The following CDC42EP2 variants were observed in gnomAD, a reference collection of about 807,000 sequenced individuals.
CDC42EP2 encodes the protein CDC42 effector protein 2, also known as CDC42 effector protein (Rho GTPase binding) 2.
CDC42EP2 carries 5 observed loss-of-function variants against 7.3 expected under a neutral mutation model. The ratio of observed to expected loss-of-function variants is 0.68; its 90% CI spans 0.36 to 1.44. The LOEUF is 1.44. Ranked by LOEUF, CDC42EP2 falls within the 40% of genes most tolerant of loss-of-function variation. The pLI, the probability that CDC42EP2 is intolerant of heterozygous loss-of-function variation, is 0.04. For synonymous variants in CDC42EP2, 113 were observed against 123.6 expected (o/e 0.91, Z 0.57); for missense variants, 251 against 282.6 (o/e 0.89, Z 0.80).
rs888337019 is a variant in CDC42EP2, at chr11:65,321,049, A to G, written c.151A>G (p.Met51Val). The G allele has an allele frequency of 3.7e-6, 6 of 1,614,026 alleles. No individual in the cohort carries two copies. The highest frequency in any genetic ancestry group is 5.1e-6 in the Non-Finnish European group (6 of 1,180,004). The change falls in exon 2 of 2, where the codon ATG becomes GTG. Residue 51 changes from methionine to valine, a missense_variant. Met to Val is a conservative substitution (Grantham distance 21, BLOSUM62 1). Coordinates refer to ENST00000279249, the MANE Select transcript of CDC42EP2 (RefSeq NM_006779.4). The surrounding 1 kb of genome is among the most constrained non-coding windows in gnomAD (Gnocchi z 4.4). ...IHIGSGGGSD[M>V]FGDISFLQGK... ...TATTGGCAGTGGCGGCGGCAGTGACATGTTTGGCGACATCTCCTTCCTGCA... is the reference window on the plus strand; with the variant it reads ...TATTGGCAGTGGCGGCGGCAGTGACGTGTTTGGCGACATCTCCTTCCTGCA...
chr11:65,318,112 T>C (rs1233842262), intron 1 of CDC42EP2, among the ~76,000 whole-genome samples: 1 of 152,060 alleles, frequency 6.6e-6, no homozygotes, highest in African/African-American at 2.4e-5. Context: ...TTTATTTTTT[T>C]TGAGGCGGAG....
rs1215511163 is a variant in CDC42EP2 at position 65,322,178 on chromosome 11, G to A, written c.*647G>A. The A allele has an allele frequency of 6.0e-6, 1 of 167,108 alleles. No homozygotes were observed. Among genetic ancestry groups the A allele is most frequent in the African/African-American group, 2.4e-5 (1 of 41,466 alleles). The allele number at this position is 167,108 out of a possible 1,614,324, so 10.4% of individuals were successfully genotyped here. A position where few individuals can be genotyped will look rare whatever the true frequency, so the allele number is the denominator to read the frequency against. On this transcript the variant is annotated 3_prime_UTR_variant, in exon 2 of 2. Coordinates refer to ENST00000279249, the MANE Select transcript of CDC42EP2 (RefSeq NM_006779.4). Reference sequence around the variant, plus strand: ...TGAGGGCTTGCCTCTGGAGACCCCAGCCCCAGAGGGCTTTGTGGAGGACAG... The same window carrying A: ...TGAGGGCTTGCCTCTGGAGACCCCAACCCCAGAGGGCTTTGTGGAGGACAG...
At position 65,321,676 on chromosome 11, in the gene CDC42EP2, C is replaced by A; in HGVS notation, c.*145C>A. On this transcript the variant is annotated 3_prime_UTR_variant, in exon 2 of 2. Coordinates refer to ENST00000279249, the MANE Select transcript of CDC42EP2 (RefSeq NM_006779.4). The surrounding 1 kb of genome is among the most constrained non-coding windows in gnomAD (Gnocchi z 4.4). The stretch of plus-strand genomic sequence containing the variant: ...GATTCTCCTTCTGAGCCGTGTTTCC[C>A]CTCTCCCTCCCTCTCCACGTGGGCA... 1.4e-6 allele frequency: 1 copy of A among 714,864 alleles called. No homozygotes were observed. Among genetic ancestry groups the A allele is most frequent in the East Asian group, 2.7e-5 (1 of 36,936 alleles). The allele number at this position is 714,864 out of a possible 1,614,324, so 44.3% of individuals were successfully genotyped here.
At chr11:65,319,355 C>T (rs1949963174) in intron 1 of CDC42EP2, among the ~76,000 whole-genome samples, 2 of 151,892 alleles carry the variant, frequency 1.3e-5, no homozygotes, top group Admixed American at 6.6e-5. Flanking sequence ...GTCTTGATCT[C>T]CTGACCTCGT....
rs985224236 is a variant in CDC42EP2, at chr11:65,315,182, C to T, written c.-356+228C>T. On this transcript the variant is annotated intron_variant, in intron 1 of 1. Transcript: ENST00000279249. This position sits in a 1 kb window ranked among gnomAD's most constrained non-coding sequence, Gnocchi z 4.1. Reference sequence around the variant, plus strand: ...CAACGCATCCCGACCCCGAATTCCCCGTTCTGCCCTCCATTTTGTGTCCGG... The same window carrying T: ...CAACGCATCCCGACCCCGAATTCCCTGTTCTGCCCTCCATTTTGTGTCCGG... Among the ~76,000 whole-genome samples the T allele has an allele frequency of 6.6e-6, 1 of 152,216 alleles. No individual in the cohort carries two copies. The highest frequency in any genetic ancestry group is 1.9e-4 in the East Asian group (1 of 5,184).
Position 65,321,199 on chromosome 11 carries a change from TCCCCTCTGCTCAAGAACG to T in CDC42EP2, c.304_321del (p.Pro102_Ala107del). ...TGGGCGGGAGCTCCCGGACGGCCCA[TCCCCTCTGCTCAAGAACG>T]CCATCTCCCTCCCGGTTATCGGTGG... On this transcript the variant is annotated inframe_deletion, in exon 2 of 2. Transcript: ENST00000279249. This position sits in a 1 kb window ranked among gnomAD's most constrained non-coding sequence, Gnocchi z 4.4. 1 of 1,613,770 alleles carries T rather than the reference TCCCCTCTGCTCAAGAACG, an allele frequency of 6.2e-7. No homozygotes were observed. The highest frequency in any genetic ancestry group is 8.5e-7 in the Non-Finnish European group (1 of 1,179,932).
At position 65,315,892 on chromosome 11, in the gene CDC42EP2, A is replaced by T. The variant is rs1030324375; in HGVS notation, c.-356+938A>T. ...GGGTCAGGAGCCCTTCGTTTTTGCT[A>T]TTGTTCAAAGCACTGGCCCCGGAGA... On this transcript the variant is annotated intron_variant, in intron 1 of 1. Transcript: ENST00000279249. The surrounding 1 kb of genome is among the most constrained non-coding windows in gnomAD (Gnocchi z 4.1). Among the ~76,000 whole-genome samples, 2 of 152,148 alleles carry T rather than the reference A, an allele frequency of 1.3e-5. No individual in the cohort carries two copies. Among genetic ancestry groups the T allele is most frequent in the African/African-American group, 4.8e-5 (2 of 41,446 alleles).
Position 65,321,790 on chromosome 11 carries a change from C to G in CDC42EP2, c.*259C>G. 1 of 455,892 alleles carries G rather than the reference C, an allele frequency of 2.2e-6. No homozygotes were observed. Among genetic ancestry groups the G allele is most frequent in the Non-Finnish European group, 4.1e-6 (1 of 244,300 alleles). 28.2% of individuals were successfully genotyped at this position (455,892 alleles called of 1,614,324 possible). The stretch of plus-strand genomic sequence containing the variant: ...CCTGAGCATCTTGGGGCACCTGGAC[C>G]CCATCACAATACTCCTTCTTCCTTC... On this transcript the variant is annotated 3_prime_UTR_variant, in exon 2 of 2. Transcript: ENST00000279249. This position sits in a 1 kb window ranked among gnomAD's most constrained non-coding sequence, Gnocchi z 4.4.
At chr11:65,320,515 C>T (rs181553499) in intron 1 of CDC42EP2, 29 bp from the exon 2 acceptor site, 23 of 192,280 alleles carry the variant, frequency 1.2e-4, no homozygotes, top group Non-Finnish European at 2.1e-4. Context: ...CCCGCTGTCT[C>T]TGACAGGTGT....
rs776066177 is a variant in CDC42EP2, at chr11:65,321,179, G to A, written c.281G>A (p.Arg94Gln). The A allele has an allele frequency of 1.1e-5, 17 of 1,613,928 alleles. No homozygotes were observed. Among genetic ancestry groups the A allele is most frequent in the South Asian group, 6.6e-5 (6 of 91,074 alleles). Residue 94 changes from arginine (R) to glutamine (Q), a missense_variant, in exon 2 of 2, where the codon CGG (arginine) becomes CAG (glutamine). Coordinates refer to ENST00000279249, the MANE Select transcript of CDC42EP2 (RefSeq NM_006779.4). The surrounding 1 kb of genome is among the most constrained non-coding windows in gnomAD (Gnocchi z 4.4). ...ACCCGCACCGCCACCGTGTGTGGGC[G>A]GGAGCTCCCGGACGGCCCATCCCCT... ...QFTRTATVCG[R>Q]ELPDGPSPLL... is the part of the protein sequence containing the mutation.
At chr11:65,320,237 C>T (rs560218828) in intron 1 of CDC42EP2, among the ~76,000 whole-genome samples, 1 of 152,030 alleles carries the variant, frequency 6.6e-6, no homozygotes, top group African/African-American at 2.4e-5. Context: ...GAGGCCGAGG[C>T]GGGCGGATCA....
Position 65,315,458 on chromosome 11 carries a change from G to A in CDC42EP2, c.-356+504G>A, listed in dbSNP as rs1339860510. Among the ~76,000 whole-genome samples the A allele has an allele frequency of 6.6e-6, 1 of 152,218 alleles. No homozygotes were observed. The highest frequency in any genetic ancestry group is 1.5e-5 in the Non-Finnish European group (1 of 68,036). ...GCGGGGGCCCGCACGCCCGAGCTCT[G>A]GCCCTGTGCCGAGCGGACACTAGGA... is the stretch of plus-strand genomic sequence containing the variant. On this transcript the variant is annotated intron_variant, in intron 1 of 1. Transcript: ENST00000279249. This position sits in a 1 kb window ranked among gnomAD's most constrained non-coding sequence, Gnocchi z 4.1.
At position 65,321,508 on chromosome 11, in the gene CDC42EP2, G is replaced by C. The variant is rs778186680; in HGVS notation, c.610G>C (p.Asp204His). The C allele has an allele frequency of 6.2e-7, 1 of 1,611,084 alleles. No individual in the cohort carries two copies. Among genetic ancestry groups the C allele is most frequent in the Non-Finnish European group, 8.5e-7 (1 of 1,178,248 alleles). ...CCTGCAGATCATGGATCAGGACCTGGACAGCATGCAGATCCCCACATAGGA... is the reference window on the plus strand; with the variant it reads ...CCTGCAGATCATGGATCAGGACCTGCACAGCATGCAGATCCCCACATAGGA... ...DVLQIMDQDL[D>H]SMQIPT Residue 204 changes from aspartate (D) to histidine (H), a missense_variant, in exon 2 of 2, where the codon GAC (aspartate) becomes CAC (histidine). Coordinates refer to ENST00000279249, the MANE Select transcript of CDC42EP2 (RefSeq NM_006779.4). The surrounding 1 kb of genome is among the most constrained non-coding windows in gnomAD (Gnocchi z 4.4).
chr11:65,316,629 G>T (rs552664079), intron 1 of CDC42EP2, among the ~76,000 whole-genome samples: 1 of 152,212 alleles, frequency 6.6e-6, no homozygotes, highest in Non-Finnish European at 1.5e-5. Flanking sequence ...CATCTCTGAG[G>T]TTCAGCTTCG....
In CDC42EP2 at chr11:65,320,991, C is replaced by A. The variant is rs767015957; in HGVS notation, c.93C>A (p.Ser31Arg). ...LRDLLSSDMI[S>R]PPLGDFRHTI... ...ACCTGCTGTCCTCGGACATGATCAG[C>A]CCACCGCTGGGGGACTTCCGCCACA... The change falls in exon 2 of 2, where the codon AGC becomes AGA. Residue 31 changes from serine to arginine, a missense_variant. Ser to Arg is a moderately radical substitution (Grantham distance 110, BLOSUM62 -1). Coordinates refer to ENST00000279249, the MANE Select transcript of CDC42EP2 (RefSeq NM_006779.4). The A allele has an allele frequency of 6.2e-7, 1 of 1,614,076 alleles. No homozygotes were observed. The highest frequency in any genetic ancestry group is 8.5e-7 in the Non-Finnish European group (1 of 1,180,034).
At chr11:65,317,745 T>C (rs1279047787) in intron 1 of CDC42EP2, among the ~76,000 whole-genome samples, 1 of 151,532 alleles carries the variant, frequency 6.6e-6, no homozygotes, top group Non-Finnish European at 1.5e-5. Flanking sequence ...ACATTAAAAA[T>C]AGCTTAATTT....
chr11:65,316,091 G>A (rs1471060194), intron 1 of CDC42EP2, among the ~76,000 whole-genome samples: 1 of 152,198 alleles, frequency 6.6e-6, no homozygotes, highest in Non-Finnish European at 1.5e-5. Context: ...TTTATAGATG[G>A]GAAAGGTGAG....
At chr11:65,318,105 A>AT (rs1210223289) in intron 1 of CDC42EP2, among the ~76,000 whole-genome samples, 3 of 102,228 alleles carry the variant, frequency 2.9e-5, no homozygotes, top group Non-Finnish European at 4.1e-5. Flanking sequence ...AATTTTTTTT[A>AT]TTTTTTTTGA....
rs1473705979 is a variant in CDC42EP2, at chr11:65,315,071, C to G, written c.-356+117C>G. On this transcript the variant is annotated intron_variant, in intron 1 of 1. Transcript: ENST00000279249. The surrounding 1 kb of genome is among the most constrained non-coding windows in gnomAD (Gnocchi z 4.1). ...GCCTCTCACCTCACTCAGTTCCTTT[C>G]GAGGGCTCCTAGGGCTCCATGGGGC... 2 of 152,134 alleles carry G rather than the reference C, an allele frequency of 1.3e-5. No homozygotes were observed. Among genetic ancestry groups the G allele is most frequent in the African/African-American group, 4.8e-5 (2 of 41,426 alleles). The allele number at this position is 152,134 out of a possible 1,614,324, so 9.4% of individuals were successfully genotyped here. A position where few individuals can be genotyped will look rare whatever the true frequency, so the allele number is the denominator to read the frequency against.
Sources: allele counts gnomAD v4.1 joint callset (sites outside exome capture counted in the v4.1 genomes callset), GRCh38; gene constraint gnomAD v4.1.1; non-coding constraint Gnocchi (gnomAD v3.1); transcripts MANE v1.5; gene names NCBI Gene and HGNC (gene_info 2026-07-23, HGNC 2026-07-21).